CIT: variants seen among roughly 807,000 people sequenced by gnomAD.
CIT encodes citron rho-interacting serine/threonine kinase, also known as citron Rho-interacting kinase.
Under a neutral mutation model 272.7 loss-of-function variants are expected in CIT, and 79 were observed. The ratio of observed to expected loss-of-function variants is 0.29; its 90% CI spans 0.24 to 0.35. The LOEUF (loss-of-function observed/expected upper bound fraction) is 0.35, where lower values mean the gene tolerates loss of function less well. Ranked by LOEUF, CIT falls within the 10% of genes least tolerant of loss-of-function variation. The pLI is 1.00. For missense variants in CIT, 1,909 were observed against 2,618.3 expected (o/e 0.73, Z 5.91); for synonymous variants, 948 against 995.6 (o/e 0.95, Z 0.90).
At chr12:119,777,878 C>T (rs1963929595) in intron 13 of CIT, among the ~76,000 whole-genome samples, 1 of 152,158 alleles carries the variant, frequency 6.6e-6, no homozygotes, top group Non-Finnish European at 1.5e-5. Flanking sequence ...TTTATATAGA[C>T]TTGTCCTTTA....
At chr12:119,698,132 A>C (rs1034116539) in intron 44 of CIT, 78 bp from the exon 45 acceptor site, 1 of 1,269,870 alleles carries the variant, frequency 7.9e-7, no homozygotes, top group African/African-American at 1.5e-5. Context: ...ACTGCAATGC[A>C]TTCTTTGACC....
intron 3 of CIT, among the ~76,000 whole-genome samples, chr12:119,864,562 C>T (rs149397869): frequency 1.5e-3 from 224 of 152,294 alleles, no homozygotes; most frequent in African/African-American, 5.1e-3. Flanking sequence ...GTCTCAAACT[C>T]CTGAGCTCAA....
At chr12:119,782,729 C>G in intron 12 of CIT, 92 bp from the exon 13 acceptor site, 1 of 1,484,768 alleles carries the variant, frequency 6.7e-7, no homozygotes, top group African/African-American at 1.4e-5. Context: ...GCTTCGCAGA[C>G]ACCAGGACAG....
Position 119,770,651 on chromosome 12 carries a change from T to C in CIT, c.2208+134A>G. 3 of 1,011,558 alleles carry C rather than the reference T, an allele frequency of 3.0e-6. No individual in the cohort carries two copies. The highest frequency in any genetic ancestry group is 3.1e-5 in the South Asian group (2 of 65,462). 62.7% of individuals were successfully genotyped at this position (1,011,558 alleles called of 1,614,324 possible). A position where few individuals can be genotyped will look rare whatever the true frequency, so the allele number is the denominator to read the frequency against. On this transcript the variant is annotated intron_variant, in intron 18 of 47. Transcript: ENST00000392521. This position sits in a 1 kb window ranked among gnomAD's most constrained non-coding sequence, Gnocchi z 4.4. ...TACTACTCTACGATGTGGCATATGCTGAAACCACCTCACTCAATTCATCTA... is the reference window on the plus strand; with the variant it reads ...TACTACTCTACGATGTGGCATATGCCGAAACCACCTCACTCAATTCATCTA...
At chr12:119,856,669 C>G (rs1373117311) in intron 4 of CIT, among the ~76,000 whole-genome samples, 1 of 152,166 alleles carries the variant, frequency 6.6e-6, no homozygotes, top group Admixed American at 6.5e-5. Context: ...TCGGTGAGAA[C>G]TGTCCCTAAC....
chr12:119,726,384 A>ATTT (rs1958105387), intron 28 of CIT, among the ~76,000 whole-genome samples: 3 of 73,024 alleles, frequency 4.1e-5, no homozygotes, highest in Non-Finnish European at 5.5e-5. Context: ...ACACTTGGCT[A>ATTT]ATTTTTTTTT....
chr12:119,710,583 T>C lies in CIT; in HGVS notation c.4892A>G (p.Asp1631Gly), dbSNP rs1593429603. ...LGNSLLKLEG[D>G]DRLDMNCTLP... ...CGTGCAGTTCATGTCTAGACGGTCA[T>C]CACCTTCCAGTTTCAGCAGGGAGTT... Residue 1631 changes from aspartate to glycine, a missense_variant, in exon 38 of 48, where the codon GAT becomes GGT. This residue lies in a region of CIT where 780 missense variants were observed against 1,067.2 expected (regional missense o/e 0.73). Coordinates refer to ENST00000392521, the MANE Select transcript of CIT (RefSeq NM_001206999.2). The surrounding 1 kb of genome is among the most constrained non-coding windows in gnomAD (Gnocchi z 5.6). The C allele has an allele frequency of 6.2e-7, 1 of 1,614,196 alleles. No homozygotes were observed.
In CIT at chr12:119,714,937, A is replaced by G. The variant is rs548028175; in HGVS notation, c.4169-603T>C. 6.6e-5 allele frequency among the ~76,000 whole-genome samples: 10 copies of G among 152,344 alleles called. 1 individual carries two copies. Among genetic ancestry groups the G allele is most frequent in the African/African-American group, 2.2e-4 (9 of 41,574 alleles). On this transcript the variant is annotated intron_variant, in intron 32 of 47. Coordinates refer to ENST00000392521, the MANE Select transcript of CIT (RefSeq NM_001206999.2). Reference sequence around the variant, plus strand: ...CAAAGTGAAAACAACACAAATGTCCACCAATGGTGATATGGTTTGGCTGTG... The same window carrying G: ...CAAAGTGAAAACAACACAAATGTCCGCCAATGGTGATATGGTTTGGCTGTG...
intron 23 of CIT, among the ~76,000 whole-genome samples, chr12:119,750,266 A>G (rs1960038423): frequency 6.6e-6 from 1 of 152,042 alleles, no homozygotes; most frequent in South Asian, 2.1e-4. Flanking sequence ...CCAACTCCCA[A>G]CTCCAGCAAG....
rs1470100001 is a variant in CIT at position 119,688,111 on chromosome 12, C to G, written c.*121G>C. ...GTGTCCGTGCCGAGGTGGGTCTGGG[C>G]CCCGCTGAGCCAGAGGGTGGCTGAG... is the stretch of plus-strand genomic sequence containing the variant. On this transcript the variant is annotated 3_prime_UTR_variant, in exon 48 of 48. Coordinates refer to ENST00000392521, the MANE Select transcript of CIT (RefSeq NM_001206999.2). 2 of 1,084,592 alleles carry G rather than the reference C, an allele frequency of 1.8e-6. No homozygotes were observed. Among genetic ancestry groups the G allele is most frequent in the African/African-American group, 3.1e-5 (2 of 64,408 alleles). 67.2% of individuals were successfully genotyped at this position (1,084,592 alleles called of 1,614,324 possible).
Position 119,697,259 on chromosome 12 carries a change from C to T in CIT, c.5882+400G>A, listed in dbSNP as rs564029869. On this transcript the variant is annotated intron_variant, in intron 46 of 47. Transcript: ENST00000392521. The surrounding 1 kb of genome is among the most constrained non-coding windows in gnomAD (Gnocchi z 4.9). ...CCATGCCTTAATCTCTGATTGCCAG[C>T]ATCTCTCCCACTGGGCTGTGAGTGC... Among the ~76,000 whole-genome samples the T allele has an allele frequency of 3.3e-5, 5 of 152,300 alleles. 1 individual carries two copies. The South Asian group carries it at 1.0e-3, about 32-fold the overall frequency.
At chr12:119,716,157 C>T (rs1239131704) in intron 32 of CIT, among the ~76,000 whole-genome samples, 1 of 151,900 alleles carries the variant, frequency 6.6e-6, no homozygotes, top group East Asian at 1.9e-4. Flanking sequence ...GCAAGTGGAT[C>T]GCTTGAGGTC....
In CIT at chr12:119,690,595, G is replaced by T; in HGVS notation, c.5883-141C>A. The T allele has an allele frequency of 1.2e-6, 1 of 810,652 alleles. No individual in the cohort carries two copies. The highest frequency in any genetic ancestry group is 1.8e-6 in the Non-Finnish European group (1 of 552,214). 50.2% of individuals were successfully genotyped at this position (810,652 alleles called of 1,614,324 possible). A position where few individuals can be genotyped will look rare whatever the true frequency, so the allele number is the denominator to read the frequency against. ...TTAGACCTGGAGTTCTTTGGACTTTGCCTGCATTTGATTTTGGTAGCAAAG... is the reference window on the plus strand; with the variant it reads ...TTAGACCTGGAGTTCTTTGGACTTTTCCTGCATTTGATTTTGGTAGCAAAG... On this transcript the variant is annotated intron_variant, in intron 46 of 47. Coordinates refer to ENST00000392521, the MANE Select transcript of CIT (RefSeq NM_001206999.2). The surrounding 1 kb of genome is among the most constrained non-coding windows in gnomAD (Gnocchi z 6.0).
chr12:119,776,773 T>C lies in CIT; in HGVS notation c.1735A>G (p.Arg579Gly). The C allele has an allele frequency of 6.2e-7, 1 of 1,614,166 alleles. No homozygotes were observed. Among genetic ancestry groups the C allele is most frequent in the Non-Finnish European group, 8.5e-7 (1 of 1,180,044 alleles). ...GATTCGTAGAGATCACTCCGTCTTCTTGCTGAGACAAGATCCTCTTCCAAC... is the reference window on the plus strand; with the variant it reads ...GATTCGTAGAGATCACTCCGTCTTCCTGCTGAGACAAGATCCTCTTCCAAC... ...NQLEEDLVSA[R>G]RRSDLYESEL... Residue 579 changes from arginine to glycine, a missense_variant, in exon 14 of 48, where the codon AGA becomes GGA. Physicochemically the swap from Arg to Gly is moderately radical, Grantham distance 125 (BLOSUM62 -2). This residue lies in a region of CIT where 530 missense variants were observed against 822.4 expected (regional missense o/e 0.64). Coordinates refer to ENST00000392521, the MANE Select transcript of CIT (RefSeq NM_001206999.2).
chr12:119,842,388 C>CAAAAAAAAAAAAAAAAAAAAAAAAAAA lies in CIT; in HGVS notation c.516+7785_516+7786insTTTTTTTTTTTTTTTTTTTTTTTTTTT. Among the ~76,000 whole-genome samples, 2 of 71,536 alleles carry CAAAAAAAAAAAAAAAAAAAAAAAAAAA rather than the reference C, an allele frequency of 2.8e-5. 1 individual carries two copies. The allele number at this position is 71,536 out of a possible 152,430, so 46.9% of individuals were successfully genotyped here. ...AGGGTGACAGAGCGAGACTGCATCT[C>CAAAAAAAAAAAAAAAAAAAAAAAAAAA]AAAAAAAAAAAAAAAAAAAAAAAAA... On this transcript the variant is annotated intron_variant, in intron 5 of 47. Transcript: ENST00000392521.
chr12:119,791,726 CT>C (rs966549277), intron 10 of CIT, among the ~76,000 whole-genome samples: 2 of 151,988 alleles, frequency 1.3e-5, no homozygotes, highest in African/African-American at 2.4e-5. Context: ...TTGGGTTTTC[CT>C]TTTTTTTCCA....
chr12:119,806,554 A>G (rs1461824383), intron 9 of CIT, among the ~76,000 whole-genome samples: 1 of 152,206 alleles, frequency 6.6e-6, no homozygotes, highest in Non-Finnish European at 1.5e-5. Context: ...GCACTGGCAG[A>G]TGCAAGTGGA....
chr12:119,774,468 G>A (rs777935093), intron 16 of CIT, among the ~76,000 whole-genome samples: 3 of 152,004 alleles, frequency 2.0e-5, no homozygotes, highest in Non-Finnish European at 4.4e-5. Flanking sequence ...CTTGAAAATT[G>A]CTCTTAAATG....
intron 39 of CIT, among the ~76,000 whole-genome samples, chr12:119,709,783 AGAGAGTGTGTGT>A (rs1340534469): frequency 3.4e-3 from 188 of 54,710 alleles, no homozygotes; most frequent in Middle Eastern, 0.025. Context: ...AGAGAGAGAG[AGAGAGTGTGTGT>A]GTGTGTGTGT....
Sources: gnomAD v4.1 joint callset for allele counts (sites outside exome capture counted in the v4.1 genomes callset) on GRCh38, gnomAD v4.1.1 for gene constraint, gnomAD v4.1.1 regional missense constraint, Gnocchi (gnomAD v3.1) non-coding constraint, MANE v1.5 for transcripts, NCBI Gene and HGNC (gene_info 2026-07-23, HGNC 2026-07-21) for gene names.